Variants in IL31RA observed in about 807,000 individuals in gnomAD.
The protein encoded by IL31RA is interleukin-31 receptor subunit alpha.
Under a neutral mutation model 83.7 loss-of-function variants are expected in IL31RA, and 66 were observed. The ratio of observed to expected loss-of-function variants is 0.79; its 90% CI spans 0.65 to 0.97. The LOEUF is 0.97. Ranked by LOEUF, IL31RA falls within the 50% of genes least tolerant of loss-of-function variation. The pLI, the probability that IL31RA is intolerant of heterozygous loss-of-function variation, is 0.00. For synonymous variants in IL31RA, 325 were observed against 329.0 expected (o/e 0.99, Z 0.13); for missense variants, 798 against 919.4 (o/e 0.87, Z 1.71).
At position 55,883,107 on chromosome 5, in the gene IL31RA, A is replaced by G. The variant is rs766853727; in HGVS notation, c.518A>G (p.Gln173Arg). 6.2e-7 allele frequency: 1 copy of G among 1,614,046 alleles called. No homozygotes were observed. Among genetic ancestry groups the G allele is most frequent in the Non-Finnish European group, 8.5e-7 (1 of 1,179,916 alleles). The change falls in exon 5 of 15, where the codon CAA (glutamine) becomes CGA (arginine). Residue 173 changes from glutamine to arginine, a missense_variant. Transcript: ENST00000652347. ...KPVLGIKRMI[Q>R]IEWIKPELAP... The stretch of plus-strand genomic sequence containing the variant: ...GTTTTGGGCATCAAACGAATGATTC[A>G]AATTGAATGGATAAAGCCTGAGTTG...
chr5:55,872,437 G>A lies in IL31RA; in HGVS notation c.440G>A (p.Arg147Lys). 1 of 1,602,272 alleles carries A rather than the reference G, an allele frequency of 6.2e-7. No homozygotes were observed. The highest frequency in any genetic ancestry group is 8.5e-7 in the Non-Finnish European group (1 of 1,169,686). The change falls in exon 4 of 15, where the codon AGA becomes AAA. Residue 147 changes from arginine to lysine, a missense_variant. Physicochemically the swap from Arg to Lys is conservative, Grantham distance 26. Coordinates refer to ENST00000652347, the MANE Select transcript of IL31RA (RefSeq NM_139017.7). ...GVIKSHMTYW[R>K]LENIAKTEPP... is the part of the protein sequence containing the mutation. ...ATTAAATCTCATATGACATACTGGA[G>A]ATTAGAGAACATAGGTAAGTGTTAT...
chr5:55,906,977 G>A (rs1449592723), intron 9 of IL31RA, among the ~76,000 whole-genome samples: 1 of 152,128 alleles, frequency 6.6e-6, no homozygotes, highest in African/African-American at 2.4e-5. Context: ...AGGGATGCAG[G>A]CAAGTAGAGG....
Position 55,906,142 on chromosome 5 carries a change from C to A in IL31RA, c.1106C>A (p.Ala369Asp), listed in dbSNP as rs768952419. 6 of 1,613,738 alleles carry A rather than the reference C, an allele frequency of 3.7e-6. No individual in the cohort carries two copies. The highest frequency in any genetic ancestry group is 4.2e-6 in the Non-Finnish European group (5 of 1,180,016). Residue 369 changes from alanine (A) to aspartate (D), a missense_variant, in exon 9 of 15, where the codon GCT (alanine) becomes GAT (aspartate). Physicochemically the swap from Ala to Asp is moderately radical, Grantham distance 126 (BLOSUM62 -2). Transcript: ENST00000652347. ...ATTGAGGTCATGCAGGCCTGCGTTG[C>A]TGAGGACCAGCTAGTGGTGAAGTGG... ...QCIEVMQACVAEDQLVVKWQS... is the reference protein window; with the variant it reads ...QCIEVMQACVDEDQLVVKWQS...
chr5:55,870,220 G>A (rs1746430678), intron 3 of IL31RA, among the ~76,000 whole-genome samples: 3 of 152,310 alleles, frequency 2.0e-5, no homozygotes, highest in South Asian at 4.1e-4. Context: ...CATGGACACT[G>A]AAATGTGAAT....
intron 6 of IL31RA, among the ~76,000 whole-genome samples, chr5:55,891,832 T>C (rs2112481044): frequency 1.5e-5 from 2 of 133,280 alleles, no homozygotes; most frequent in South Asian, 2.6e-4. Flanking sequence ...CTGGAGTGCA[T>C]TGGTGTGATC....
At chr5:55,907,485 G>A (rs1171453159) in intron 10 of IL31RA, 25 bp downstream of exon 10, 4 of 1,473,816 alleles carry the variant, frequency 2.7e-6, no homozygotes, top group African/African-American at 1.4e-5. Context: ...GACCCTGTGG[G>A]GAAAAGGAAA....
chr5:55,847,613 G>A (rs1366029522), upstream of IL31RA, among the ~76,000 whole-genome samples: 2 of 152,134 alleles, frequency 1.3e-5, no homozygotes, highest in Non-Finnish European at 2.9e-5. Context: ...ATAATGCAGA[G>A]TTCCTGAATA....
At chr5:55,882,961 AT>A in intron 4 of IL31RA, 82 bp from the exon 5 acceptor site, 43 of 1,310,480 alleles carry the variant, frequency 3.3e-5, no homozygotes, top group Non-Finnish European at 4.0e-5. Context: ...TGCACGTATC[AT>A]TTTTTTTCAA....
intron 5 of IL31RA, among the ~76,000 whole-genome samples, chr5:55,887,024 G>A (rs1354333721): frequency 2.0e-5 from 3 of 152,136 alleles, no homozygotes; most frequent in Non-Finnish European, 4.4e-5. Context: ...TTTTCCCTTT[G>A]CCTGGTGCAT....
At chr5:55,857,599 A>G (rs1184835889) in intron 1 of IL31RA, among the ~76,000 whole-genome samples, 2 of 152,192 alleles carry the variant, frequency 1.3e-5, no homozygotes, top group Admixed American at 6.5e-5. Flanking sequence ...TATACTTACT[A>G]TGTGATATAT....
chr5:55,860,379 AAT>A (rs199562669), intron 2 of IL31RA, among the ~76,000 whole-genome samples: 344 of 44,270 alleles, frequency 7.8e-3, no homozygotes, highest in Admixed American at 0.013. Flanking sequence ...AAAAAAAAAA[AAT>A]GTTATGTGAA....
chr5:55,908,584 GTT>G, intron 11 of IL31RA, 173 bp downstream of exon 11: 16 of 1,552,664 alleles, frequency 1.0e-5, no homozygotes, highest in Non-Finnish European at 1.4e-5. Flanking sequence ...ACCTTTTGGG[GTT>G]TTGGGGGTTA....
intron 2 of IL31RA, among the ~76,000 whole-genome samples, chr5:55,864,356 CCA>C (rs1745884050): frequency 1.4e-5 from 2 of 139,048 alleles, no homozygotes; most frequent in Non-Finnish European, 1.6e-5. Flanking sequence ...CACACACACA[CCA>C]CACACACTAC....
At chr5:55,873,882 A>G (rs992479544) in intron 4 of IL31RA, among the ~76,000 whole-genome samples, 3 of 152,026 alleles carry the variant, frequency 2.0e-5, no homozygotes, top group Admixed American at 1.3e-4. Context: ...GTAGAAAAAT[A>G]TTTATATGAA....
rs772231065 is a variant in IL31RA, at chr5:55,906,261, C to G, written c.1225C>G (p.Gln409Glu). 10 of 1,614,146 alleles carry G rather than the reference C, an allele frequency of 6.2e-6. No individual in the cohort carries two copies. Among genetic ancestry groups the G allele is most frequent in the Non-Finnish European group, 8.5e-6 (10 of 1,180,026 alleles). Residue 409 changes from glutamine to glutamate, a missense_variant, in exon 9 of 15, where the codon CAG (glutamine) becomes GAG (glutamate). Transcript: ENST00000652347. ...CACCCTTTCCTGGGAATCTGTGTCTCAGGCCACGAACTGGACGATCCAGCA... is the reference window on the plus strand; with the variant it reads ...CACCCTTTCCTGGGAATCTGTGTCTGAGGCCACGAACTGGACGATCCAGCA... Reference protein sequence around the residue: ...PTTLSWESVSQATNWTIQQDK... With the variant: ...PTTLSWESVSEATNWTIQQDK...
rs183049959 is a variant in IL31RA, at chr5:55,903,942, A to G, written c.1070-2164A>G. ...TGCTCCCTAAAGTCTCTAGGGGAGAATCCTTCCTTACCCCTTCCAGCTTGT... is the reference window on the plus strand; with the variant it reads ...TGCTCCCTAAAGTCTCTAGGGGAGAGTCCTTCCTTACCCCTTCCAGCTTGT... On this transcript the variant is annotated intron_variant, in intron 8 of 14. Transcript: ENST00000652347. The surrounding 1 kb of genome is among the most constrained non-coding windows in gnomAD (Gnocchi z 4.7). Among the ~76,000 whole-genome samples, 16 of 152,264 alleles carry G rather than the reference A, an allele frequency of 1.1e-4. No homozygotes were observed. Among genetic ancestry groups the G allele is most frequent in the Admixed American group, 7.8e-4 (12 of 15,298 alleles).
In IL31RA at chr5:55,910,593, T is replaced by C. The variant is rs755971621; in HGVS notation, c.1563T>C (p.Ser521=). The change falls in exon 12 of 15, where the codon TCT becomes TCC. Residue 521 remains serine, a synonymous_variant. Coordinates refer to ENST00000652347, the MANE Select transcript of IL31RA (RefSeq NM_139017.7). ...YGLESLKRKT[S]YIVQVMASTS... Reference sequence around the variant, plus strand: ...TGGAGTCCCTGAAACGAAAGACCTCTTACATTGTTCAGGTCATGGCCAGCA... The same window carrying C: ...TGGAGTCCCTGAAACGAAAGACCTCCTACATTGTTCAGGTCATGGCCAGCA... 3 of 1,613,954 alleles carry C rather than the reference T, an allele frequency of 1.9e-6. No homozygotes were observed. In the African/African-American group the frequency reaches 4.0e-5, roughly 22 times the overall value.
At chr5:55,891,713 C>G (rs1748003767) in intron 6 of IL31RA, among the ~76,000 whole-genome samples, 1 of 146,326 alleles carries the variant, frequency 6.8e-6, no homozygotes, top group Non-Finnish European at 1.5e-5. Flanking sequence ...TGCAAAGTCC[C>G]TTTTACCATA....
At chr5:55,913,740 C>T (rs565623989) in intron 13 of IL31RA, among the ~76,000 whole-genome samples, 170 bp downstream of exon 13, 8 of 152,320 alleles carry the variant, frequency 5.3e-5, no homozygotes, top group African/African-American at 1.4e-4. Context: ...AGTGGCTCAC[C>T]GGAATTCTGA....
Sources: gnomAD v4.1 joint callset for allele counts (sites outside exome capture counted in the v4.1 genomes callset) on GRCh38, gnomAD v4.1.1 for gene constraint, Gnocchi (gnomAD v3.1) non-coding constraint, MANE v1.5 for transcripts, NCBI Gene and HGNC (gene_info 2026-07-23, HGNC 2026-07-21) for gene names.